STK24: variants seen among roughly 807,000 people sequenced by gnomAD.
STK24 encodes the protein serine/threonine-protein kinase 24.
STK24 carries 21 observed loss-of-function variants against 55.6 expected under a neutral mutation model. The ratio of observed to expected loss-of-function variants is 0.38; its 90% CI spans 0.27 to 0.54. STK24 has a LOEUF of 0.54. Ranked by LOEUF, STK24 falls within the 20% of genes least tolerant of loss-of-function variation. The pLI, the probability that STK24 is intolerant of heterozygous loss-of-function variation, is 0.79. For synonymous variants in STK24, 200 were observed against 215.2 expected (o/e 0.93, Z 0.62); for missense variants, 383 against 538.4 (o/e 0.71, Z 2.86).
At chr13:98,496,572 G>A (rs529315226) in intron 2 of STK24, among the ~76,000 whole-genome samples, 44 of 152,266 alleles carry the variant, frequency 2.9e-4, no homozygotes, top group South Asian at 2.7e-3. Flanking sequence ...GTCCCCACAC[G>A]AGATCAACGA....
intron 3 of STK24, among the ~76,000 whole-genome samples, chr13:98,481,169 G>A (rs1188432556): frequency 6.6e-6 from 1 of 152,240 alleles, no homozygotes; most frequent in East Asian, 1.9e-4. Context: ...GAGACAGCAA[G>A]TGCTAAACAG....
chr13:98,457,003 C>A, intron 10 of STK24, 165 bp downstream of exon 10: 1 of 846,580 alleles, frequency 1.2e-6, no homozygotes, highest in South Asian at 2.0e-5. Flanking sequence ...ACATTGATTT[C>A]TAGAATTCAG....
intron 2 of STK24, among the ~76,000 whole-genome samples, chr13:98,517,848 T>C (rs1311933303): frequency 2.6e-5 from 4 of 152,152 alleles, no homozygotes; most frequent in Non-Finnish European, 5.9e-5. Flanking sequence ...TGCATATTCA[T>C]TGCAGGGTAA....
rs553607568 is a variant in STK24 at position 98,468,072 on chromosome 13, C to T, written c.598-1511G>A. The stretch of plus-strand genomic sequence containing the variant: ...CAAGGAAATGCATAGGCGGAAGCAT[C>T]GTTGTGGCTGCAGGGTGCTTTAACT... On this transcript the variant is annotated intron_variant, in intron 5 of 10. Coordinates refer to ENST00000539966, the MANE Select transcript of STK24 (RefSeq NM_001032296.4). Among the ~76,000 whole-genome samples, 283 of 152,310 alleles carry T rather than the reference C, an allele frequency of 1.9e-3. 3 individuals are homozygous for T. Among genetic ancestry groups the T allele is most frequent in the Middle Eastern group, 6.8e-3 (2 of 294 alleles).
intron 1 of STK24, among the ~76,000 whole-genome samples, chr13:98,548,493 T>C (rs1897082328): frequency 6.6e-6 from 1 of 152,212 alleles, no homozygotes; most frequent in African/African-American, 2.4e-5. Flanking sequence ...CTCAAGGGTT[T>C]ACCCTCAAAT....
At chr13:98,552,594 C>A (rs2139437062) in intron 1 of STK24, among the ~76,000 whole-genome samples, 1 of 152,268 alleles carries the variant, frequency 6.6e-6, no homozygotes, top group East Asian at 1.9e-4. Context: ...CCAAAAAGAG[C>A]TATGAGAACT....
At position 98,483,262 on chromosome 13, in the gene STK24, C is replaced by T. The variant is rs1483087785; in HGVS notation, c.274-941G>A. Among the ~76,000 whole-genome samples, 13 of 152,294 alleles carry T rather than the reference C, an allele frequency of 8.5e-5. No homozygotes were observed. The East Asian group carries it at 2.1e-3, about 25-fold the overall frequency. On this transcript the variant is annotated intron_variant, in intron 2 of 10. Transcript: ENST00000539966. ...GCCTTGGCCAAGAGCCTGGCCACGG[C>T]GAGCAGCCAAGAACCCATGGCTGGC...
chr13:98,455,057 G>C (rs1893388230), intron 10 of STK24: 1 of 152,222 alleles, frequency 6.6e-6, no homozygotes, highest in South Asian at 2.1e-4. Context: ...GAATGGAGAT[G>C]TGCTAAGTGT....
intron 3 of STK24, among the ~76,000 whole-genome samples, chr13:98,478,379 T>C: frequency 6.6e-6 from 1 of 152,388 alleles, no homozygotes; most frequent in South Asian, 2.1e-4. Flanking sequence ...AGCAGCAGCC[T>C]GTGGTCAGGT....
chr13:98,522,545 C>G (rs61969456), intron 1 of STK24, among the ~76,000 whole-genome samples: 40,435 of 152,142 alleles, frequency 0.27, 6,141 homozygotes, highest in East Asian at 0.42. Flanking sequence ...TCCTTCTGAA[C>G]AGGAACCCCC....
chr13:98,460,315 G>T, intron 9 of STK24, 57 bp downstream of exon 9: 1 of 1,485,098 alleles, frequency 6.7e-7, no homozygotes, highest in Non-Finnish European at 9.4e-7. Flanking sequence ...ACTGAAGTGT[G>T]TCCAGCTTCT....
chr13:98,482,064 CT>C, intron 3 of STK24, among the ~76,000 whole-genome samples, 200 bp downstream of exon 3: 1 of 142,562 alleles, frequency 7.0e-6, no homozygotes, highest in African/African-American at 2.7e-5. Flanking sequence ...AAGACTCTAT[CT>C]CAAAAAAAAA....
chr13:98,508,145 G>A (rs1895759209), intron 2 of STK24, among the ~76,000 whole-genome samples: 1 of 151,870 alleles, frequency 6.6e-6, no homozygotes, highest in Non-Finnish European at 1.5e-5. Context: ...AATATGAAAG[G>A]CTAATTATAA....
intron 1 of STK24, among the ~76,000 whole-genome samples, chr13:98,567,283 C>A (rs1031232617): frequency 1.3e-5 from 2 of 152,210 alleles, no homozygotes; most frequent in African/African-American, 4.8e-5. Context: ...ACACCCAGGC[C>A]CTCTGACGGG....
At chr13:98,461,734 A>G (rs754150206) in intron 8 of STK24, 40 bp downstream of exon 8, 2 of 1,606,130 alleles carry the variant, frequency 1.2e-6, no homozygotes, top group Non-Finnish European at 1.7e-6. Context: ...AACACTGCAG[A>G]CTGAGGTCAG....
chr13:98,446,918 T>C lies in STK24; in HGVS notation c.*6255A>G. On this transcript the variant is annotated 3_prime_UTR_variant, in exon 11 of 11. Transcript: ENST00000539966. ...TCAGCGAGTGAGATGGCCCCACCCT[T>C]CCCTGCCAACTAAGCGTTTAGACCT... 1 of 1,283,022 alleles carries C rather than the reference T, an allele frequency of 7.8e-7. No individual in the cohort carries two copies. The allele number at this position is 1,283,022 out of a possible 1,614,324, so 79.5% of individuals were successfully genotyped here. A position where few individuals can be genotyped will look rare whatever the true frequency, so the allele number is the denominator to read the frequency against.
rs539674208 is a variant in STK24, at chr13:98,558,951, G to C, written c.42+17794C>G. Among the ~76,000 whole-genome samples the C allele has an allele frequency of 8.4e-5, 12 of 143,006 alleles. No homozygotes were observed. The East Asian group carries it at 2.5e-3, about 30-fold the overall frequency. 93.8% of individuals were successfully genotyped at this position (143,006 alleles called of 152,430 possible). ...AGGCTGAGGCAGGCGGATCACCTGA[G>C]GTTGGGGGTTCGAGACCAGCCTGAC... On this transcript the variant is annotated intron_variant, in intron 1 of 10. Coordinates refer to ENST00000539966, the MANE Select transcript of STK24 (RefSeq NM_001032296.4).
intron 1 of STK24, among the ~76,000 whole-genome samples, chr13:98,530,618 T>C (rs1391378179): frequency 6.6e-6 from 1 of 152,052 alleles, no homozygotes; most frequent in African/African-American, 2.4e-5. Context: ...GACAGCAACA[T>C]ACAACACAAG....
At chr13:98,550,428 G>C (rs1448993330) in intron 1 of STK24, among the ~76,000 whole-genome samples, 1 of 152,146 alleles carries the variant, frequency 6.6e-6, no homozygotes, top group Non-Finnish European at 1.5e-5. Context: ...TACTTCGAAG[G>C]TGAGGCAGGA....
Sources: gnomAD v4.1 joint callset for allele counts (sites outside exome capture counted in the v4.1 genomes callset) on GRCh38, gnomAD v4.1.1 for gene constraint, MANE v1.5 for transcripts, NCBI Gene and HGNC (gene_info 2026-07-23, HGNC 2026-07-21) for gene names.